EXTL1: variants seen among roughly 807,000 people sequenced by gnomAD.
EXTL1 encodes exostosin-like 1.
In EXTL1, 43 loss-of-function variants were observed where a neutral mutation model predicts 64.6. The ratio of observed to expected loss-of-function variants is 0.67; its 90% CI spans 0.52 to 0.86. EXTL1 has a LOEUF of 0.86. EXTL1 is among the 40% of genes least tolerant of loss of function. EXTL1 has a pLI of 0.00. For synonymous variants in EXTL1, 352 were observed against 360.5 expected (o/e 0.98, Z 0.27); for missense variants, 766 against 879.0 (o/e 0.87, Z 1.62).
In EXTL1 at chr1:26,022,518, C is replaced by A; in HGVS notation, c.-129C>A. The A allele has an allele frequency of 1.3e-6, 1 of 748,280 alleles. No individual in the cohort carries two copies. Among genetic ancestry groups the A allele is most frequent in the Middle Eastern group, 3.0e-4 (1 of 3,368 alleles). The allele number at this position is 748,280 out of a possible 1,614,324, so 46.4% of individuals were successfully genotyped here. On this transcript the variant is annotated 5_prime_UTR_variant, in exon 1 of 11. Coordinates refer to ENST00000374280, the MANE Select transcript of EXTL1 (RefSeq NM_004455.3). Reference sequence around the variant, plus strand: ...CCTGGTCTCGATGGGCCTCAGTCTTCCCATCTGTACAATGACAGCACAGGA... The same window carrying A: ...CCTGGTCTCGATGGGCCTCAGTCTTACCATCTGTACAATGACAGCACAGGA...
rs1461019680 is a variant in EXTL1 at position 26,029,608 on chromosome 1, C to T, written c.882C>T (p.Cys294=). ...ACCTCCCCGCCCCCCAGGCCGGCTG[C>T]ATCCCAGTGCTTCTCAGCCCCCGCT... ...SRFLQALQAG[C]IPVLLSPRWE... Residue 294 remains cysteine, a synonymous_variant, in exon 3 of 11, where the codon TGC becomes TGT. Transcript: ENST00000374280. 6.2e-7 allele frequency: 1 copy of T among 1,604,762 alleles called. No homozygotes were observed. The highest frequency in any genetic ancestry group is 1.3e-5 in the African/African-American group (1 of 74,756).
rs1373044836 is a variant in EXTL1, at chr1:26,022,925, C to T, written c.279C>T (p.Gly93=). 5.6e-6 allele frequency: 9 copies of T among 1,614,092 alleles called. No homozygotes were observed. Among genetic ancestry groups the T allele is most frequent in the South Asian group, 1.1e-5 (1 of 91,076 alleles). The change falls in exon 1 of 11, where the codon GGC becomes GGT. Residue 93 remains glycine, a synonymous_variant. Coordinates refer to ENST00000374280, the MANE Select transcript of EXTL1 (RefSeq NM_004455.3). ...GCTTTGATACCTCAAAGTGCAGGGG[C>T]GATGGCCTTAAGGTATTCGTGTACC... ...ESCFDTSKCR[G]DGLKVFVYPA...
In EXTL1 at chr1:26,032,377, A is replaced by G. The variant is rs1308734191; in HGVS notation, c.1342-19A>G. 1.3e-6 allele frequency: 2 copies of G among 1,542,686 alleles called. No individual in the cohort carries two copies. The highest frequency in any genetic ancestry group is 1.8e-6 in the Non-Finnish European group (2 of 1,138,772). ...CTGCCCCAGATCCCAGACTTCAAGA[A>G]CAACCCCCTATCCTCTAGATCTTGG... On this transcript the variant is annotated intron_variant, in intron 6 of 10. Transcript: ENST00000374280.
At position 26,031,456 on chromosome 1, in the gene EXTL1, C is replaced by A. The variant is rs748991268; in HGVS notation, c.1235-4C>A. ...CTCTAATAGCCTGTGTCTCATTCCC[C>A]CAGGCTCCCGCCCTGAGGGCAGATT... On this transcript the variant is annotated splice_region_variant and splice_polypyrimidine_tract_variant and intron_variant, in intron 5 of 10. Coordinates refer to ENST00000374280, the MANE Select transcript of EXTL1 (RefSeq NM_004455.3). The A allele has an allele frequency of 2.6e-6, 4 of 1,532,962 alleles. No individual in the cohort carries two copies. Among genetic ancestry groups the A allele is most frequent in the Non-Finnish European group, 3.5e-6 (4 of 1,127,116 alleles). 95.0% of individuals were successfully genotyped at this position (1,532,962 alleles called of 1,614,324 possible).
intron 4 of EXTL1, 101 bp from the exon 5 acceptor site, chr1:26,031,031 G>T (rs768319759): frequency 5.8e-5 from 85 of 1,453,112 alleles, no homozygotes; most frequent in Non-Finnish European, 8.0e-5. Flanking sequence ...TGACCCCAGG[G>T]GTCTGGTGAT....
chr1:26,023,057 C>T lies in EXTL1; in HGVS notation c.411C>T (p.Leu137=). 6.2e-7 allele frequency: 1 copy of T among 1,613,908 alleles called. No individual in the cohort carries two copies. Among genetic ancestry groups the T allele is most frequent in the African/African-American group, 1.3e-5 (1 of 75,074 alleles). Residue 137 remains leucine, a synonymous_variant, in exon 1 of 11, where the codon CTC becomes CTT. Transcript: ENST00000374280. Reference sequence around the variant, plus strand: ...CTGGGGCCTGCCTCCTCCTCCTCCTCAGCCTGGACGCCCAGACTGGAGAGT... The same window carrying T: ...CTGGGGCCTGCCTCCTCCTCCTCCTTAGCCTGGACGCCCAGACTGGAGAGT... ...SPAGACLLLL[L]SLDAQTGECS...
In EXTL1 at chr1:26,023,234, G is replaced by T; in HGVS notation, c.588G>T (p.Val196=). 1 of 1,605,812 alleles carries T rather than the reference G, an allele frequency of 6.2e-7. No individual in the cohort carries two copies. The highest frequency in any genetic ancestry group is 8.5e-7 in the Non-Finnish European group (1 of 1,174,770). ...ACTCCTTCCGGCCCGGCTTTGATGT[G>T]GCCCTCCCTTTTCTCCCTGAAGCCC... is the stretch of plus-strand genomic sequence containing the variant. ...TVDSFRPGFD[V]ALPFLPEAHP... The change falls in exon 1 of 11, where the codon GTG becomes GTT. Residue 196 remains valine, a synonymous_variant. Transcript: ENST00000374280.
At chr1:26,030,216 C>G (rs2050266984) in intron 3 of EXTL1, among the ~76,000 whole-genome samples, 1 of 152,004 alleles carries the variant, frequency 6.6e-6, no homozygotes, top group East Asian at 1.9e-4. Context: ...TTAATTGAGC[C>G]TCTACAATGT....
chr1:26,031,616 G>GAC, intron 6 of EXTL1, 50 bp downstream of exon 6: 1 of 1,183,666 alleles, frequency 8.4e-7, no homozygotes, highest in Non-Finnish European at 1.2e-6. Flanking sequence ...GGGGGTAAGG[G>GAC]ACAGGGCAGG....
chr1:26,028,858 C>T (rs1195660273), intron 1 of EXTL1, among the ~76,000 whole-genome samples: 4 of 152,180 alleles, frequency 2.6e-5, no homozygotes, highest in African/African-American at 7.2e-5. Context: ...GGCAGGGCCT[C>T]GGAAACATCA....
At chr1:26,032,159 G>A (rs1188643969) in intron 6 of EXTL1, 2 of 490,156 alleles carry the variant, frequency 4.1e-6, no homozygotes, top group African/African-American at 2.0e-5. Flanking sequence ...ACTCTCTTGA[G>A]TTCTGAAGCC....
rs752300191 is a variant in EXTL1 at position 26,029,718 on chromosome 1, G to A, written c.981+11G>A. The A allele has an allele frequency of 8.9e-6, 14 of 1,581,474 alleles. No individual in the cohort carries two copies. Among genetic ancestry groups the A allele is most frequent in the African/African-American group, 1.3e-5 (1 of 74,352 alleles). On this transcript the variant is annotated intron_variant, in intron 3 of 10. Coordinates refer to ENST00000374280, the MANE Select transcript of EXTL1 (RefSeq NM_004455.3). ...AGGCTCCCACTTCAGGTAGCTCAGA[G>A]CCCTGCCCACAGGGTGGGAACTGGA...
rs750517833 is a variant in EXTL1 at position 26,033,826 on chromosome 1, T to C, written c.1649T>C (p.Met550Thr). ...YTAERTNEFS[M>T]VLTTAAFYHR... The stretch of plus-strand genomic sequence containing the variant: ...GCTGAGAGGACCAACGAATTCTCCA[T>C]GGTTCTCACCACAGCCGCCTTCTAC... Residue 550 changes from methionine to threonine, a missense_variant, in exon 9 of 11, where the codon ATG becomes ACG. Around this residue, in one of 3 missense-constraint regions of EXTL1, gnomAD observed 194 missense variants for 214.5 expected, o/e 0.90. Coordinates refer to ENST00000374280, the MANE Select transcript of EXTL1 (RefSeq NM_004455.3). This position sits in a 1 kb window ranked among gnomAD's most constrained non-coding sequence, Gnocchi z 5.1. 13 of 1,613,994 alleles carry C rather than the reference T, an allele frequency of 8.1e-6. No individual in the cohort carries two copies. Among genetic ancestry groups the C allele is most frequent in the Non-Finnish European group, 1.0e-5 (12 of 1,180,016 alleles).
In EXTL1 at chr1:26,032,375, GAAC is replaced by G. The variant is rs2050296707; in HGVS notation, c.1342-17_1342-15del. The G allele has an allele frequency of 6.5e-7, 1 of 1,541,210 alleles. No homozygotes were observed. The highest frequency in any genetic ancestry group is 8.8e-7 in the Non-Finnish European group (1 of 1,137,592). ...TTCTGCCCCAGATCCCAGACTTCAA[GAAC>G]AACCCCCTATCCTCTAGATCTTGGT... On this transcript the variant is annotated intron_variant, in intron 6 of 10. Transcript: ENST00000374280.
intron 1 of EXTL1, among the ~76,000 whole-genome samples, chr1:26,027,830 A>G (rs2050235521): frequency 6.6e-6 from 1 of 152,146 alleles, no homozygotes; most frequent in East Asian, 1.9e-4. Flanking sequence ...TGGGTGACAG[A>G]GCAAGAGCTT....
chr1:26,032,731 A>G (rs1343830), intron 7 of EXTL1, among the ~76,000 whole-genome samples: 16 of 152,154 alleles, frequency 1.1e-4, no homozygotes, highest in African/African-American at 3.9e-4. Flanking sequence ...ACATCTCAGA[A>G]GAGGAACAGA....
Position 26,033,525 on chromosome 1 carries a change from C to T in EXTL1, c.1519-171C>T, listed in dbSNP as rs2050309470. Among the ~76,000 whole-genome samples the T allele has an allele frequency of 6.6e-6, 1 of 152,110 alleles. No homozygotes were observed. Among genetic ancestry groups the T allele is most frequent in the Admixed American group, 6.6e-5 (1 of 15,258 alleles). ...TCTTTTGAGAAATTGTTTTTGTGGC[C>T]CCTGGAAGCTTTCATGCCACACTTC... On this transcript the variant is annotated intron_variant, in intron 8 of 10. Coordinates refer to ENST00000374280, the MANE Select transcript of EXTL1 (RefSeq NM_004455.3). This position sits in a 1 kb window ranked among gnomAD's most constrained non-coding sequence, Gnocchi z 5.1.
Position 26,029,254 on chromosome 1 carries a change from G to A in EXTL1, c.841G>A (p.Glu281Lys), listed in dbSNP as rs141005742. The A allele has an allele frequency of 1.1e-4, 182 of 1,613,846 alleles. No individual in the cohort carries two copies. The African/African-American group carries it at 2.1e-3, about 19-fold the overall frequency. Residue 281 changes from glutamate to lysine, a missense_variant, in exon 2 of 11, where the codon GAG becomes AAG. Physicochemically the swap from Glu to Lys is moderately conservative, Grantham distance 56 (BLOSUM62 1). Transcript: ENST00000374280. ...CTGCCTCATCTCTGGCCACCGTCCC[G>A]AGGCTGCCTCGCGCTTCCTCCAAGC... Reference protein sequence around the residue: ...TFCLISGHRPEAASRFLQALQ... With the variant: ...TFCLISGHRPKAASRFLQALQ...
chr1:26,029,139 G>A (rs1415123970), intron 1 of EXTL1, 54 bp from the exon 2 acceptor site: 33 of 1,381,058 alleles, frequency 2.4e-5, no homozygotes, highest in African/African-American at 2.8e-5. Flanking sequence ...CCCAGGGGGC[G>A]AAGGTCACTG....
Sources: allele counts gnomAD v4.1 joint callset (sites outside exome capture counted in the v4.1 genomes callset), GRCh38; gene constraint gnomAD v4.1.1; regional missense constraint gnomAD v4.1.1; non-coding constraint Gnocchi (gnomAD v3.1); transcripts MANE v1.5; gene names NCBI Gene and HGNC (gene_info 2026-07-23, HGNC 2026-07-21).